Variants in SNX3 observed in about 807,000 individuals in gnomAD.
The protein encoded by SNX3 is sorting nexin 3.
A neutral mutation model predicts 17.7 loss-of-function variants in SNX3; 5 were observed. That is an observed-to-expected ratio of 0.28 (90% confidence interval 0.15 to 0.59). The LOEUF is 0.59. Ranked by LOEUF, SNX3 falls within the 20% of genes least tolerant of loss-of-function variation. The pLI is 0.88. For missense variants in SNX3, 132 were observed against 206.8 expected, an observed-to-expected ratio of 0.64 and a Z score of 2.22; for synonymous variants, 91 against 76.5, an observed-to-expected ratio of 1.19 and a Z score of -0.99.
chr6:108,221,321 T>C (rs780660272), intron 2 of SNX3, among the ~76,000 whole-genome samples: 21 of 151,702 alleles, frequency 1.4e-4, no homozygotes, highest in Non-Finnish European at 2.1e-4. Context: ...TTTTACTATA[T>C]TTTTCCTGCC....
At chr6:108,238,379 G>T (rs1775417010) in intron 1 of SNX3, among the ~76,000 whole-genome samples, 1 of 152,122 alleles carries the variant, frequency 6.6e-6, no homozygotes. Flanking sequence ...ATAAAAACAT[G>T]TATATACAAT....
intron 1 of SNX3, among the ~76,000 whole-genome samples, chr6:108,223,549 A>G (rs1582475802): frequency 8.3e-6 from 1 of 120,674 alleles, no homozygotes; most frequent in South Asian, 2.8e-4. Context: ...ACTGTCGCCC[A>G]GGCAGTGATG....
At position 108,221,532 on chromosome 6, in the gene SNX3, CTTTTTTTTTTTTTTTT is replaced by C. The variant is rs554429322; in HGVS notation, c.258+1402_258+1417del. On this transcript the variant is annotated intron_variant, in intron 2 of 3. Coordinates refer to ENST00000230085, the MANE Select transcript of SNX3 (RefSeq NM_003795.6). ...GTATTACAAGGAATACAGTATTACA[CTTTTTTTTTTTTTTTT>C]TTTTTTTTTTTTTTTGAGACAGGGC... 3.6e-4 allele frequency among the ~76,000 whole-genome samples: 21 copies of C among 57,780 alleles called. No individual in the cohort carries two copies. The East Asian group carries it at 5.7e-3, about 16-fold the overall frequency. 37.9% of individuals were successfully genotyped at this position (57,780 alleles called of 152,430 possible).
chr6:108,222,815 A>C, intron 2 of SNX3, 135 bp downstream of exon 2: 2 of 674,264 alleles, frequency 3.0e-6, no homozygotes, highest in Admixed American at 5.4e-5. Flanking sequence ...CCTCTATAAA[A>C]TGACACTGAA....
At chr6:108,233,519 G>A (rs1411046979) in intron 1 of SNX3, among the ~76,000 whole-genome samples, 1 of 152,188 alleles carries the variant, frequency 6.6e-6, no homozygotes, top group Non-Finnish European at 1.5e-5. Context: ...AGTGCATCCA[G>A]GGTCAAGAAC....
At chr6:108,241,868 C>G (rs1775532741) in intron 1 of SNX3, among the ~76,000 whole-genome samples, 1 of 152,150 alleles carries the variant, frequency 6.6e-6, no homozygotes, top group African/African-American at 2.4e-5. Context: ...TGGGGTGGTT[C>G]AGCTGTTCAG....
At chr6:108,226,554 A>G (rs615728) in intron 1 of SNX3, among the ~76,000 whole-genome samples, 300 of 152,254 alleles carry the variant, frequency 2.0e-3, no homozygotes, top group African/African-American at 6.8e-3. Flanking sequence ...ATAGAACTAA[A>G]AAGTGTTTTA....
At chr6:108,243,032 A>G (rs1775569087) in intron 1 of SNX3, among the ~76,000 whole-genome samples, 1 of 152,242 alleles carries the variant, frequency 6.6e-6, no homozygotes, top group Non-Finnish European at 1.5e-5. Context: ...TCACTTACAG[A>G]AACTTGTGAG....
At chr6:108,225,713 G>C (rs1249779199) in intron 1 of SNX3, among the ~76,000 whole-genome samples, 2 of 152,058 alleles carry the variant, frequency 1.3e-5, no homozygotes, top group African/African-American at 4.8e-5. Flanking sequence ...ACTATTAGGA[G>C]TGGTATGAGA....
intron 1 of SNX3, among the ~76,000 whole-genome samples, chr6:108,238,121 CA>C (rs1420972302): frequency 8.7e-6 from 1 of 114,492 alleles, no homozygotes; most frequent in Non-Finnish European, 1.8e-5. Context: ...AAAAAAAAAA[CA>C]AACAAAAAAA....
At position 108,211,727 on chromosome 6, in the gene SNX3, T is replaced by C. The variant is rs1774410306; in HGVS notation, c.*422A>G. The C allele has an allele frequency of 6.0e-6, 1 of 166,908 alleles. No homozygotes were observed. The highest frequency in any genetic ancestry group is 1.3e-5 in the Non-Finnish European group (1 of 78,008). 10.3% of individuals were successfully genotyped at this position (166,908 alleles called of 1,614,324 possible). A position where few individuals can be genotyped will look rare whatever the true frequency, so the allele number is the denominator to read the frequency against. On this transcript the variant is annotated 3_prime_UTR_variant, in exon 4 of 4. Coordinates refer to ENST00000230085, the MANE Select transcript of SNX3 (RefSeq NM_003795.6). ...GCAGTATTGGAAACCAATGGTGTAGTGCTCCTACACATAAATGGGGTCAAG... is the reference window on the plus strand; with the variant it reads ...GCAGTATTGGAAACCAATGGTGTAGCGCTCCTACACATAAATGGGGTCAAG...
chr6:108,243,397 CAA>C (rs1318030856), intron 1 of SNX3, among the ~76,000 whole-genome samples: 1 of 151,978 alleles, frequency 6.6e-6, no homozygotes, highest in Admixed American at 6.6e-5. Flanking sequence ...CAAAACAAAA[CAA>C]AAAAACTACA....
chr6:108,238,492 C>T (rs1775420815), intron 1 of SNX3, among the ~76,000 whole-genome samples: 1 of 151,990 alleles, frequency 6.6e-6, no homozygotes, highest in Non-Finnish European at 1.5e-5. Context: ...GAGCCAGGTG[C>T]GGTGGCATGT....
rs72613246 is a variant in SNX3 at position 108,233,422 on chromosome 6, A to G, written c.163-10377T>C. Among the ~76,000 whole-genome samples, 571 of 152,330 alleles carry G rather than the reference A, an allele frequency of 3.7e-3. 18 individuals carry two copies. The East Asian group carries it at 0.093, about 25-fold the overall frequency. ...TCTTCCCAACTTGTCCAATCCTAAGAAACACACTCAAGTGACGCCAACTAG... is the reference window on the plus strand; with the variant it reads ...TCTTCCCAACTTGTCCAATCCTAAGGAACACACTCAAGTGACGCCAACTAG... On this transcript the variant is annotated intron_variant, in intron 1 of 3. Transcript: ENST00000230085.
At chr6:108,248,666 T>G (rs1775762103) in intron 1 of SNX3, among the ~76,000 whole-genome samples, 1 of 152,224 alleles carries the variant, frequency 6.6e-6, no homozygotes, top group Non-Finnish European at 1.5e-5. Context: ...ATCAACATAA[T>G]CTGGCCTTCT....
At chr6:108,239,647 G>T (rs951468014) in intron 1 of SNX3, among the ~76,000 whole-genome samples, 1 of 152,148 alleles carries the variant, frequency 6.6e-6, no homozygotes, top group Admixed American at 6.5e-5. Flanking sequence ...CAAAAGAGAA[G>T]AATTAAGTAA....
chr6:108,217,634 T>C (rs934596721), intron 2 of SNX3, among the ~76,000 whole-genome samples: 79 of 151,652 alleles, frequency 5.2e-4, no homozygotes, highest in African/African-American at 1.7e-3. Context: ...TGCATGCTTG[T>C]AACCCCTTTA....
At chr6:108,253,930 C>G (rs772932479) in intron 1 of SNX3, among the ~76,000 whole-genome samples, 1 of 152,000 alleles carries the variant, frequency 6.6e-6, no homozygotes, top group Non-Finnish European at 1.5e-5. Flanking sequence ...TGGAGACCAT[C>G]CTGGCTAACA....
At chr6:108,230,556 C>T (rs2114728347) in intron 1 of SNX3, among the ~76,000 whole-genome samples, 1 of 152,292 alleles carries the variant, frequency 6.6e-6, no homozygotes, top group African/African-American at 2.4e-5. Flanking sequence ...CCACAGCCTT[C>T]ATCTATTTGT....
Sources: gnomAD v4.1 joint callset for allele counts (sites outside exome capture counted in the v4.1 genomes callset) on GRCh38, gnomAD v4.1.1 for gene constraint, MANE v1.5 for transcripts, NCBI Gene and HGNC (gene_info 2026-07-23, HGNC 2026-07-21) for gene names.